KDSR: variants seen among roughly 807,000 people sequenced by gnomAD.
KDSR encodes the protein 3-ketodihydrosphingosine reductase.
KDSR carries 23 observed loss-of-function variants against 41.3 expected under a neutral mutation model. That is an observed-to-expected ratio of 0.56 (90% CI 0.40 to 0.79). KDSR has a LOEUF of 0.79. KDSR is among the 30% of genes least tolerant of loss of function. KDSR has a pLI of 0.00. For synonymous variants in KDSR, 138 were observed against 151.7 expected (o/e 0.91, Z 0.66); for missense variants, 351 against 416.8 (o/e 0.84, Z 1.37).
chr18:63,359,492 G>T, intron 3 of KDSR: 4 of 371,918 alleles, frequency 1.1e-5, no homozygotes, highest in East Asian at 4.2e-5. Flanking sequence ...AAATTAAAAT[G>T]AAATTATTTG....
rs778537413 is a variant in KDSR at position 63,350,965 on chromosome 18, A to G, written c.532T>C (p.Leu178=). Residue 178 remains leucine (L), a synonymous_variant, in exon 6 of 10, where the codon TTG becomes CTG. Transcript: ENST00000645214. ...TAGGCTGTGAAACCGAATAATCCCA[A>G]CTGTCCTGCCTGGGAGGACACAAAC... The part of the protein sequence containing the change: ...IVFVSSQAGQ[L]GLFGFTAYSA... 5.0e-6 allele frequency: 8 copies of G among 1,613,938 alleles called. No individual in the cohort carries two copies. The highest frequency in any genetic ancestry group is 1.3e-5 in the African/African-American group (1 of 74,884).
In KDSR at chr18:63,329,869, C is replaced by A; in HGVS notation, c.*1913G>T. The A allele has an allele frequency of 5.2e-6, 1 of 194,108 alleles. No individual in the cohort carries two copies. The allele number at this position is 194,108 out of a possible 1,614,324, so 12.0% of individuals were successfully genotyped here. ...CAGACATTAATGCAATTGTTTTCTG[C>A]AAATTATAAAAAGCTATGATTCCAT... is the stretch of plus-strand genomic sequence containing the variant. On this transcript the variant is annotated 3_prime_UTR_variant, in exon 10 of 10. Transcript: ENST00000645214.
intron 7 of KDSR, among the ~76,000 whole-genome samples, chr18:63,343,238 T>G (rs571993996): frequency 1.5e-4 from 23 of 151,984 alleles, no homozygotes; most frequent in Admixed American, 1.4e-3. Flanking sequence ...TGCTTATTTT[T>G]TTGTAGGGAA....
chr18:63,366,909 G>A (rs1338492987), intron 1 of KDSR, 102 bp downstream of exon 1: 1 of 551,336 alleles, frequency 1.8e-6, no homozygotes, highest in African/African-American at 1.9e-5. Flanking sequence ...ATGCCTTCCT[G>A]GGGACCGCGG....
At chr18:63,350,192 T>A (rs183504297) in intron 6 of KDSR, among the ~76,000 whole-genome samples, 1 of 152,326 alleles carries the variant, frequency 6.6e-6, no homozygotes, top group East Asian at 1.9e-4. Context: ...CTCTAAGCAT[T>A]CCTGTGTGAC....
Position 63,331,704 on chromosome 18 carries a change from A to G in KDSR, c.*78T>C. ...TCGAAAACAATACATAAGTGTCTAT[A>G]GGCCAAAAATTGGGTCCCATTTAGC... On this transcript the variant is annotated 3_prime_UTR_variant, in exon 10 of 10. Coordinates refer to ENST00000645214, the MANE Select transcript of KDSR (RefSeq NM_002035.4). 1.4e-5 allele frequency: 20 copies of G among 1,470,892 alleles called. No homozygotes were observed. The highest frequency in any genetic ancestry group is 1.9e-5 in the Non-Finnish European group (20 of 1,073,616). The allele number at this position is 1,470,892 out of a possible 1,614,324, so 91.1% of individuals were successfully genotyped here. A position where few individuals can be genotyped will look rare whatever the true frequency, so the allele number is the denominator to read the frequency against.
chr18:63,346,071 A>C, intron 6 of KDSR: 1 of 151,922 alleles, frequency 6.6e-6, no homozygotes, highest in African/African-American at 2.4e-5. Context: ...GGGAGCTTCA[A>C]GGGGAAGGAG....
At chr18:63,348,582 T>G (rs1472469251) in intron 6 of KDSR, among the ~76,000 whole-genome samples, 1 of 152,130 alleles carries the variant, frequency 6.6e-6, no homozygotes, top group Non-Finnish European at 1.5e-5. Flanking sequence ...GTATTTTTAA[T>G]AGAGTCCAAA....
chr18:63,343,499 C>G (rs1914406728), intron 7 of KDSR, among the ~76,000 whole-genome samples: 1 of 151,744 alleles, frequency 6.6e-6, no homozygotes, highest in East Asian at 1.9e-4. Context: ...AATGATCCTC[C>G]CACCTCAGCC....
rs36023779 is a variant in KDSR, at chr18:63,347,495, C to CAAA, written c.610-3005_610-3003dup. Among the ~76,000 whole-genome samples, 336 of 56,932 alleles carry CAAA rather than the reference C, an allele frequency of 5.9e-3. 13 individuals carry two copies. The highest frequency in any genetic ancestry group is 0.025 in the African/African-American group (268 of 10,730). 37.3% of individuals were successfully genotyped at this position (56,932 alleles called of 152,430 possible). ...TGGGCCACAGAGTGAGACTCCATCTCAAAAAAAAAAAAAAAAAAAAAAAAG... is the reference window on the plus strand; with the variant it reads ...TGGGCCACAGAGTGAGACTCCATCTCAAAAAAAAAAAAAAAAAAAAAAAAAAAG... On this transcript the variant is annotated intron_variant, in intron 6 of 9. Transcript: ENST00000645214.
At chr18:63,347,947 T>C (rs35765635) in intron 6 of KDSR, among the ~76,000 whole-genome samples, 47,722 of 151,450 alleles carry the variant, frequency 0.32, 9,430 homozygotes, top group Non-Finnish European at 0.43. Flanking sequence ...CAAAGGGAGG[T>C]GGACAGGGAG....
At chr18:63,334,054 C>A (rs541264371) in intron 9 of KDSR, among the ~76,000 whole-genome samples, 1 of 152,166 alleles carries the variant, frequency 6.6e-6, no homozygotes, top group Non-Finnish European at 1.5e-5. Flanking sequence ...AAGTGCCAGG[C>A]GCTGGCTGTT....
At chr18:63,331,961 C>G (rs2144344115) in intron 9 of KDSR, 60 bp from the exon 10 acceptor site, 1 of 1,555,060 alleles carries the variant, frequency 6.4e-7, no homozygotes, top group African/African-American at 1.4e-5. Context: ...TTCAAGGTAC[C>G]TAGGTCTCTA....
chr18:63,361,070 A>AATAAAAATATATATTTTATATATATT (rs1203457259), intron 2 of KDSR, among the ~76,000 whole-genome samples: 1 of 109,340 alleles, frequency 9.1e-6, no homozygotes, highest in Admixed American at 9.9e-5. Flanking sequence ...GTAAATATAT[A>AATAAAAATATATATTTTATATATATT]TACACACACA....
chr18:63,358,434 T>C (rs1196383408), intron 3 of KDSR, among the ~76,000 whole-genome samples: 2 of 152,134 alleles, frequency 1.3e-5, no homozygotes, highest in Non-Finnish European at 2.9e-5. Flanking sequence ...GAATTATATA[T>C]TTTAAATGGG....
chr18:63,364,737 C>G (rs1052544234), intron 1 of KDSR, among the ~76,000 whole-genome samples: 7 of 152,170 alleles, frequency 4.6e-5, no homozygotes, highest in Admixed American at 2.0e-4. Flanking sequence ...AGCCACTGTA[C>G]CCGGCCATAT....
intron 1 of KDSR, among the ~76,000 whole-genome samples, chr18:63,364,540 T>C (rs1341711439): frequency 6.6e-6 from 1 of 151,886 alleles, no homozygotes; most frequent in African/African-American, 2.4e-5. Flanking sequence ...GCCTCCCAGG[T>C]TCAAGCGATT....
chr18:63,352,890 G>T (rs1914693856), intron 5 of KDSR, among the ~76,000 whole-genome samples: 2 of 151,930 alleles, frequency 1.3e-5, no homozygotes, highest in South Asian at 4.2e-4. Context: ...TTCTAAGCCG[G>T]GCACGGTGGC....
chr18:63,346,411 A>G (rs1248014452), intron 6 of KDSR: 3 of 152,356 alleles, frequency 2.0e-5, no homozygotes, highest in Admixed American at 6.5e-5. Context: ...ACGAGTGGTC[A>G]TTAGGCAGCC....
Sources: gnomAD v4.1 joint callset for allele counts (sites outside exome capture counted in the v4.1 genomes callset) on GRCh38, gnomAD v4.1.1 for gene constraint, MANE v1.5 for transcripts, NCBI Gene and HGNC (gene_info 2026-07-23, HGNC 2026-07-21) for gene names.